OTUD7A: variants seen among roughly 807,000 people sequenced by gnomAD.
OTUD7A encodes OTU domain-containing protein 7A.
A neutral mutation model predicts 65.7 loss-of-function variants in OTUD7A; 12 were observed. The observed-to-expected ratio is 0.18, with a 90% confidence interval of 0.12 to 0.30. OTUD7A has a LOEUF of 0.30. Among genes scored for constraint, OTUD7A ranks in the 10% least tolerant of loss-of-function variants. The probability of loss-of-function intolerance (pLI) is 1.00; values close to 1 mark genes in which losing one functional copy is unlikely to be tolerated. For synonymous variants in OTUD7A, 641 were observed against 586.3 expected (o/e 1.09, Z -1.35); for missense variants, 1,148 against 1,304.8 (o/e 0.88, Z 1.85).
intron 1 of OTUD7A, among the ~76,000 whole-genome samples, chr15:31,796,908 T>C (rs12908984): frequency 0.045 from 6,924 of 152,230 alleles, 238 homozygotes; most frequent in Middle Eastern, 0.082. Flanking sequence ...CTGATTTTTA[T>C]ATTTTAGTAG....
intron 1 of OTUD7A, among the ~76,000 whole-genome samples, chr15:31,821,424 G>A (rs569464961): frequency 1.3e-4 from 20 of 151,244 alleles, no homozygotes; most frequent in Admixed American, 4.6e-4. Context: ...GATTACAGGC[G>A]TGAGCCACTG....
intron 1 of OTUD7A, among the ~76,000 whole-genome samples, chr15:31,856,216 T>C (rs1306715748): frequency 6.6e-6 from 1 of 152,210 alleles, no homozygotes; most frequent in Non-Finnish European, 1.5e-5. Context: ...CTCCAACAAG[T>C]ATTCTATGTA....
intron 1 of OTUD7A, among the ~76,000 whole-genome samples, chr15:31,800,266 G>A (rs1207744755): frequency 2.0e-5 from 3 of 152,114 alleles, no homozygotes; most frequent in South Asian, 2.1e-4. Context: ...ACCTAGACGC[G>A]CAGCATGTTT....
At chr15:31,709,350 G>A (rs1035390625) in intron 1 of OTUD7A, among the ~76,000 whole-genome samples, 6 of 152,158 alleles carry the variant, frequency 3.9e-5, no homozygotes, top group African/African-American at 9.7e-5. Context: ...AGGTGCCAGC[G>A]GGGCACCACA....
chr15:31,513,690 CAGATTGTCCCATCACTGGTG>C (rs1394903055), intron 8 of OTUD7A, among the ~76,000 whole-genome samples: 2 of 152,206 alleles, frequency 1.3e-5, no homozygotes, highest in African/African-American at 4.8e-5. Flanking sequence ...GTGTGAACTG[CAGATTGTCCCATCACTGGTG>C]AGGTTGTCCC....
At chr15:31,654,210 A>C (rs2141276869) in intron 3 of OTUD7A, among the ~76,000 whole-genome samples, 1 of 105,806 alleles carries the variant, frequency 9.5e-6, no homozygotes, top group Admixed American at 1.1e-4. Flanking sequence ...ATAGATTGCA[A>C]AAACTCTCAG....
chr15:31,862,080 C>T (rs115049968), intron 1 of OTUD7A, among the ~76,000 whole-genome samples: 1 of 152,136 alleles, frequency 6.6e-6, no homozygotes. Context: ...CCAAGACCAC[C>T]CTCTCTGGTA....
intron 1 of OTUD7A, among the ~76,000 whole-genome samples, chr15:31,817,282 C>CCG (rs1555421134): frequency 6.7e-6 from 1 of 149,790 alleles, no homozygotes; most frequent in Admixed American, 6.7e-5. Context: ...TTTGCCCCCC[C>CCG]CCATCACTCA....
Position 31,479,865 on chromosome 15 carries a change from C to T in OTUD7A, c.*3429G>A, listed in dbSNP as rs2041090408. 6.6e-6 allele frequency: 1 copy of T among 152,158 alleles called. No homozygotes were observed. Among genetic ancestry groups the T allele is most frequent in the African/African-American group, 2.4e-5 (1 of 41,436 alleles). The allele number at this position is 152,158 out of a possible 1,614,324, so 9.4% of individuals were successfully genotyped here. ...TTCGATTTGTAAATAGATTCAAATG[C>T]CACTGGGTGGTAATAGGTATGAAAA... On this transcript the variant is annotated 3_prime_UTR_variant, in exon 13 of 13. Transcript: ENST00000307050.
intron 1 of OTUD7A, among the ~76,000 whole-genome samples, chr15:31,752,658 T>C (rs1894669773): frequency 6.6e-6 from 1 of 152,154 alleles, no homozygotes; most frequent in Non-Finnish European, 1.5e-5. Flanking sequence ...AAAATCACAT[T>C]CACTAATATT....
At position 31,483,962 on chromosome 15, in the gene OTUD7A, C is replaced by A; in HGVS notation, c.2134G>T (p.Val712Phe). ...PRRPETEGVP[V>F]PERASPGPPT... ...GGGCCCGGAGAGGCGCGCTCCGGGA[C>A]CGGCACGCCCTCCGTCTCCGGTCTG... Residue 712 changes from valine (V) to phenylalanine (F), a missense_variant, in exon 13 of 13, where the codon GTC becomes TTC. Transcript: ENST00000307050. The A allele has an allele frequency of 8.8e-7, 1 of 1,133,024 alleles. No homozygotes were observed. 70.2% of individuals were successfully genotyped at this position (1,133,024 alleles called of 1,614,324 possible). A position where few individuals can be genotyped will look rare whatever the true frequency, so the allele number is the denominator to read the frequency against.
chr15:31,696,070 G>A (rs1372397627), intron 1 of OTUD7A, among the ~76,000 whole-genome samples: 5 of 152,324 alleles, frequency 3.3e-5, no homozygotes, highest in African/African-American at 7.2e-5. Context: ...GCCTGCACAC[G>A]AAGGAGTCCC....
At chr15:31,865,612 G>A (rs1181461439) in intron 1 of OTUD7A, among the ~76,000 whole-genome samples, 1 of 152,146 alleles carries the variant, frequency 6.6e-6, no homozygotes, top group Non-Finnish European at 1.5e-5. Flanking sequence ...TTAGCCCTGG[G>A]GGCATGAAAA....
intron 1 of OTUD7A, among the ~76,000 whole-genome samples, chr15:31,693,350 A>C (rs1893001898): frequency 6.6e-6 from 1 of 152,222 alleles, no homozygotes; most frequent in Admixed American, 6.5e-5. Context: ...ATACCTCTAG[A>C]GGGAAATGCA....
intron 5 of OTUD7A, among the ~76,000 whole-genome samples, chr15:31,545,587 T>TA (rs35130128): frequency 6.6e-6 from 1 of 151,758 alleles, no homozygotes; most frequent in Non-Finnish European, 1.5e-5. Context: ...TAAAAATGGG[T>TA]AAAAAACCTG....
At chr15:31,561,229 G>A (rs1416719324) in intron 4 of OTUD7A, among the ~76,000 whole-genome samples, 1 of 151,646 alleles carries the variant, frequency 6.6e-6, no homozygotes, top group African/African-American at 2.4e-5. Context: ...CCCAGCTTGG[G>A]TGGTGGGGGA....
chr15:31,667,792 G>A (rs1299515045), intron 1 of OTUD7A, among the ~76,000 whole-genome samples: 1 of 152,060 alleles, frequency 6.6e-6, no homozygotes, highest in Non-Finnish European at 1.5e-5. Flanking sequence ...ATGTTTCTAG[G>A]ATTTGTTTCA....
intron 1 of OTUD7A, among the ~76,000 whole-genome samples, chr15:31,866,651 T>C (rs578209415): frequency 7.0e-4 from 107 of 152,318 alleles, no homozygotes; most frequent in African/African-American, 2.5e-3. Flanking sequence ...GGGTAAAATA[T>C]TTTCACATTA....
At chr15:31,704,434 T>C (rs1893281604) in intron 1 of OTUD7A, among the ~76,000 whole-genome samples, 1 of 133,732 alleles carries the variant, frequency 7.5e-6, no homozygotes, top group Admixed American at 8.1e-5. Flanking sequence ...CTGCCTAGCT[T>C]TATTGGGCTT....
Sources: allele counts gnomAD v4.1 joint callset (sites outside exome capture counted in the v4.1 genomes callset), GRCh38; gene constraint gnomAD v4.1.1; transcripts MANE v1.5; gene names NCBI Gene and HGNC (gene_info 2026-07-23, HGNC 2026-07-21).